Variants in DGKB observed in about 807,000 individuals in gnomAD.
DGKB encodes the protein diacylglycerol kinase beta, also known as 90 kDa diacylglycerol kinase.
A neutral mutation model predicts 114.3 loss-of-function variants in DGKB; 67 were observed. The observed-to-expected ratio is 0.59, with a 90% CI of 0.48 to 0.72. The LOEUF is 0.72. Ranked by LOEUF, DGKB falls within the 30% of genes least tolerant of loss-of-function variation. The probability of loss-of-function intolerance (pLI) is 0.00; values close to 1 mark genes in which losing one functional copy is unlikely to be tolerated. For missense variants in DGKB, 907 were observed against 975.2 expected (o/e 0.93, Z 0.93); for synonymous variants, 398 against 323.1 (o/e 1.23, Z -2.49).
intron 17 of DGKB, among the ~76,000 whole-genome samples, chr7:14,606,753 A>G (rs942163014): frequency 1.1e-4 from 17 of 152,086 alleles, no homozygotes; most frequent in African/African-American, 3.9e-4. Flanking sequence ...TGATTTGTTT[A>G]GGTGCATATC....
intron 2 of DGKB, among the ~76,000 whole-genome samples, chr7:14,791,116 T>A (rs181578798): frequency 1.3e-4 from 20 of 152,200 alleles, no homozygotes; most frequent in African/African-American, 4.6e-4. Flanking sequence ...CAGGCGTGAG[T>A]CACTGTGCCT....
chr7:14,597,245 A>T (rs1432547207), intron 17 of DGKB, among the ~76,000 whole-genome samples: 1 of 152,180 alleles, frequency 6.6e-6, no homozygotes, highest in Non-Finnish European at 1.5e-5. Context: ...ACAGAATTCT[A>T]ACTATAGGCA....
chr7:14,440,725 C>T (rs571732330), intron 21 of DGKB, among the ~76,000 whole-genome samples: 11 of 152,212 alleles, frequency 7.2e-5, no homozygotes, highest in Admixed American at 1.3e-4. Context: ...AACAAGTATC[C>T]TTATACATAC....
chr7:14,179,735 C>G (rs1006399891), intron 23 of DGKB, among the ~76,000 whole-genome samples: 20 of 152,078 alleles, frequency 1.3e-4, no homozygotes, highest in Admixed American at 1.2e-3. Context: ...ACCAAGCCAC[C>G]AAACTTTTAA....
At chr7:14,906,243 T>C (rs1451494964), upstream of DGKB, among the ~76,000 whole-genome samples, 1 of 151,706 alleles carries the variant, frequency 6.6e-6, no homozygotes, top group African/African-American at 2.4e-5. Flanking sequence ...AAAAACAGAT[T>C]GCTACACATT....
chr7:14,406,161 C>T (rs768518926), intron 21 of DGKB, among the ~76,000 whole-genome samples: 4 of 152,046 alleles, frequency 2.6e-5, no homozygotes, highest in South Asian at 2.1e-4. Context: ...TCCCTCCATT[C>T]GTTATATCAC....
intron 23 of DGKB, among the ~76,000 whole-genome samples, chr7:14,244,811 T>A (rs1160629235): frequency 1.3e-5 from 2 of 151,602 alleles, no homozygotes; most frequent in Non-Finnish European, 2.9e-5. Context: ...AAAAGACAGC[T>A]CTCTTCTCTA....
intron 1 of DGKB, among the ~76,000 whole-genome samples, chr7:14,918,988 A>G (rs1784375119): frequency 6.6e-6 from 1 of 151,192 alleles, no homozygotes; most frequent in Non-Finnish European, 1.5e-5. Flanking sequence ...GTTTGAACCC[A>G]GGAGGCGGAG....
At chr7:14,186,438 C>G (rs1280756550) in intron 23 of DGKB, among the ~76,000 whole-genome samples, 1 of 152,044 alleles carries the variant, frequency 6.6e-6, no homozygotes, top group African/African-American at 2.4e-5. Flanking sequence ...ACTAGCACAG[C>G]CACTATAAAA....
At chr7:14,236,092 T>C (rs1340715874) in intron 23 of DGKB, among the ~76,000 whole-genome samples, 1 of 152,104 alleles carries the variant, frequency 6.6e-6, no homozygotes, top group Non-Finnish European at 1.5e-5. Flanking sequence ...ATATGTATTT[T>C]ATTGCAAATT....
intron 1 of DGKB, among the ~76,000 whole-genome samples, chr7:14,961,273 G>A (rs1352980452): frequency 1.3e-5 from 2 of 151,832 alleles, no homozygotes; most frequent in Non-Finnish European, 2.9e-5. Context: ...AAAGTTTTTT[G>A]AACAAAACAT....
intron 1 of DGKB, among the ~76,000 whole-genome samples, chr7:14,942,604 A>C (rs370217657): frequency 6.6e-6 from 1 of 151,892 alleles, no homozygotes; most frequent in South Asian, 2.1e-4. Flanking sequence ...TATCTCTTCC[A>C]TCTACCACTC....
intron 13 of DGKB, among the ~76,000 whole-genome samples, chr7:14,671,893 T>A (rs933557129): frequency 2.0e-5 from 3 of 152,168 alleles, no homozygotes; most frequent in Non-Finnish European, 4.4e-5. Context: ...TCTCATTTTA[T>A]TTAATTAATC....
At chr7:14,224,666 G>C (rs991699076) in intron 23 of DGKB, among the ~76,000 whole-genome samples, 1 of 151,862 alleles carries the variant, frequency 6.6e-6, no homozygotes, top group Non-Finnish European at 1.5e-5. Flanking sequence ...TGACTGTCTG[G>C]CTTATCTTTG....
intron 23 of DGKB, among the ~76,000 whole-genome samples, chr7:14,272,097 C>G (rs1457179307): frequency 2.0e-5 from 3 of 152,130 alleles, no homozygotes; most frequent in African/African-American, 4.8e-5. Context: ...ACTTAATAAT[C>G]TGATGTGCAA....
At chr7:14,314,895 C>G (rs1011542092) in intron 23 of DGKB, among the ~76,000 whole-genome samples, 6 of 151,628 alleles carry the variant, frequency 4.0e-5, no homozygotes, top group African/African-American at 1.5e-4. Context: ...AGGTCGGGTT[C>G]CCCTCAAAGG....
chr7:14,154,613 C>A (rs1054221466), intron 25 of DGKB, among the ~76,000 whole-genome samples: 1 of 151,528 alleles, frequency 6.6e-6, no homozygotes, highest in East Asian at 1.9e-4. Flanking sequence ...GAGGTAAATA[C>A]AGTAATGTAA....
Position 14,563,111 on chromosome 7 carries a change from C to G in DGKB, c.1770+11101G>C, listed in dbSNP as rs147725529. 9.1e-3 allele frequency among the ~76,000 whole-genome samples: 1,381 copies of G among 152,280 alleles called. 15 individuals are homozygous for G. Among genetic ancestry groups the G allele is most frequent in the Middle Eastern group, 0.02 (6 of 294 alleles). ...TTTTATGAAGGGGAATTCTGCTGTACACGCTCTCTTGCCTGCCACCATGTA... is the reference window on the plus strand; with the variant it reads ...TTTTATGAAGGGGAATTCTGCTGTAGACGCTCTCTTGCCTGCCACCATGTA... On this transcript the variant is annotated intron_variant, in intron 20 of 25. Coordinates refer to ENST00000402815, the MANE Select transcript of DGKB (RefSeq NM_001350709.2).
At chr7:14,315,397 G>A (rs1373008370) in intron 23 of DGKB, among the ~76,000 whole-genome samples, 1 of 150,186 alleles carries the variant, frequency 6.7e-6, no homozygotes, top group Admixed American at 6.6e-5. Context: ...CATCTCACGT[G>A]CAGAGACACA....
Sources: allele counts gnomAD v4.1 joint callset (sites outside exome capture counted in the v4.1 genomes callset), GRCh38; gene constraint gnomAD v4.1.1; transcripts MANE v1.5; gene names NCBI Gene and HGNC (gene_info 2026-07-23, HGNC 2026-07-21).